The following NRG1 variants were observed in gnomAD, a reference collection of about 807,000 sequenced individuals.
NRG1 encodes pro-neuregulin-1, membrane-bound isoform.
Under a neutral mutation model 63.8 loss-of-function variants are expected in NRG1, and 18 were observed. The ratio of observed to expected loss-of-function variants is 0.28; its 90% confidence interval spans 0.19 to 0.42. The LOEUF is 0.42. NRG1 is among the 10% of genes least tolerant of loss of function. The probability of loss-of-function intolerance (pLI) is 1.00; values close to 1 mark genes in which losing one functional copy is unlikely to be tolerated. For missense variants in NRG1, 762 were observed against 814.7 expected (o/e 0.94, Z 0.79); for synonymous variants, 302 against 301.3 (o/e 1.00, Z -0.02).
At chr8:31,806,396 T>C (rs2131747362) in intron 1 of NRG1, among the ~76,000 whole-genome samples, 1 of 152,292 alleles carries the variant, frequency 6.6e-6, no homozygotes, top group African/African-American at 2.4e-5. Flanking sequence ...TCTAGCTTCA[T>C]TTACAAATTA....
At chr8:32,320,796 T>C (rs543136105) in intron 1 of NRG1, among the ~76,000 whole-genome samples, 1 of 152,166 alleles carries the variant, frequency 6.6e-6, no homozygotes, top group Non-Finnish European at 1.5e-5. Flanking sequence ...TCAAAAGACA[T>C]GTCATCATTA....
At chr8:32,599,919 T>G (rs867945631) in intron 2 of NRG1, among the ~76,000 whole-genome samples, 2 of 152,206 alleles carry the variant, frequency 1.3e-5, no homozygotes, top group African/African-American at 2.4e-5. Context: ...ATTTCCTCTA[T>G]TTTTACTGGT....
At chr8:32,596,599 C>A (rs1180305023) in intron 2 of NRG1, among the ~76,000 whole-genome samples, 130 of 139,148 alleles carry the variant, frequency 9.3e-4, no homozygotes, top group South Asian at 1.2e-3. Context: ...GACTCCATCT[C>A]AAAAAAAAAA....
At chr8:31,972,025 C>T (rs1464390931) in intron 1 of NRG1, among the ~76,000 whole-genome samples, 1 of 152,168 alleles carries the variant, frequency 6.6e-6, no homozygotes, top group East Asian at 1.9e-4. Flanking sequence ...AGTCACACTC[C>T]CCCTTTCTCG....
chr8:31,884,081 T>C lies in NRG1; in HGVS notation c.37+244650T>C, dbSNP rs556208351. 2.6e-5 allele frequency among the ~76,000 whole-genome samples: 4 copies of C among 152,266 alleles called. No homozygotes were observed. The South Asian group carries it at 8.3e-4, about 32-fold the overall frequency. On this transcript the variant is annotated intron_variant, in intron 1 of 10. Transcript: ENST00000519301. Reference sequence around the variant, plus strand: ...GAACATGAACGGGCTCCTATTCCTTTCCTATTGCTGCCCCCAATGAATTTT... The same window carrying C: ...GAACATGAACGGGCTCCTATTCCTTCCCTATTGCTGCCCCCAATGAATTTT...
intron 1 of NRG1, among the ~76,000 whole-genome samples, chr8:31,967,849 G>A (rs74413922): frequency 0.011 from 1,713 of 152,290 alleles, 11 homozygotes; most frequent in Middle Eastern, 0.051. Context: ...AATGCCCATG[G>A]TACTAAAGTA....
At chr8:31,651,861 A>C (rs1286624906) in intron 1 of NRG1, among the ~76,000 whole-genome samples, 2 of 152,096 alleles carry the variant, frequency 1.3e-5, no homozygotes, top group Non-Finnish European at 1.5e-5. Flanking sequence ...GCTGCTTATA[A>C]ATTATGTTTC....
intron 1 of NRG1, among the ~76,000 whole-genome samples, chr8:32,292,787 A>C (rs999409381): frequency 6.6e-6 from 1 of 152,188 alleles, no homozygotes; most frequent in Non-Finnish European, 1.5e-5. Flanking sequence ...AACATTCAGA[A>C]ACAATAAAAT....
intron 1 of NRG1, among the ~76,000 whole-genome samples, chr8:32,217,074 G>T (rs1035286032): frequency 2.0e-5 from 3 of 151,718 alleles, no homozygotes; most frequent in Admixed American, 6.6e-5. Flanking sequence ...TTAGCCGGGC[G>T]TGGTGGCACA....
At chr8:32,672,185 C>T (rs1805854053) in intron 5 of NRG1, among the ~76,000 whole-genome samples, 1 of 152,042 alleles carries the variant, frequency 6.6e-6, no homozygotes, top group Non-Finnish European at 1.5e-5. Flanking sequence ...GCTGGGACTA[C>T]AGGCACGTGC....
intron 1 of NRG1, among the ~76,000 whole-genome samples, chr8:32,351,926 A>T (rs1805658172): frequency 6.6e-6 from 1 of 151,898 alleles, no homozygotes; most frequent in Non-Finnish European, 1.5e-5. Flanking sequence ...ACATTAAGTG[A>T]TGGTCACAGA....
intron 1 of NRG1, among the ~76,000 whole-genome samples, chr8:32,572,725 C>G (rs56804439): frequency 0.018 from 2,797 of 152,148 alleles, 98 homozygotes; most frequent in African/African-American, 0.064. Flanking sequence ...TGAGACATTC[C>G]ATAATTATGT....
At chr8:32,755,496 T>G (rs1829508992) in intron 8 of NRG1, among the ~76,000 whole-genome samples, 1 of 152,170 alleles carries the variant, frequency 6.6e-6, no homozygotes, top group Non-Finnish European at 1.5e-5. Context: ...TAAGCCTTCC[T>G]GGAGTCGACC....
intron 1 of NRG1, among the ~76,000 whole-genome samples, chr8:32,318,889 A>G (rs527375218): frequency 6.6e-6 from 1 of 152,130 alleles, no homozygotes; most frequent in African/African-American, 2.4e-5. Flanking sequence ...CGATTTTGCT[A>G]TTTTGTGTGA....
intron 1 of NRG1, among the ~76,000 whole-genome samples, chr8:31,991,690 C>G (rs1811121094): frequency 6.6e-6 from 1 of 151,962 alleles, no homozygotes; most frequent in African/African-American, 2.4e-5. Context: ...GGGTGTGTAT[C>G]AAGTTTTCTC....
intron 2 of NRG1, among the ~76,000 whole-genome samples, chr8:32,601,920 G>T (rs756201960): frequency 6.6e-6 from 1 of 152,090 alleles, no homozygotes; most frequent in Non-Finnish European, 1.5e-5. Context: ...TTAAAAATGG[G>T]TTAATAATAA....
chr8:32,366,779 T>C (rs1808117519), intron 1 of NRG1, among the ~76,000 whole-genome samples: 1 of 149,284 alleles, frequency 6.7e-6, no homozygotes, highest in Non-Finnish European at 1.5e-5. Context: ...TGGTGCAATC[T>C]CAGCTAACTG....
In NRG1 at chr8:31,807,948, C is replaced by CATGTGT; in HGVS notation, c.37+168517_37+168518insATGTGT. 4.4e-5 allele frequency among the ~76,000 whole-genome samples: 6 copies of CATGTGT among 137,160 alleles called. No individual in the cohort carries two copies. The South Asian group carries it at 1.4e-3, about 31-fold the overall frequency. The allele number at this position is 137,160 out of a possible 152,430, so 90.0% of individuals were successfully genotyped here. ...CTTTTTTAAGGCTCAAGAGTATTCG[C>CATGTGT]GTGTGTGTGTGTGTGTGTGTGTGTG... On this transcript the variant is annotated intron_variant, in intron 1 of 10. Coordinates refer to the NRG1 transcript ENST00000519301.
intron 1 of NRG1, among the ~76,000 whole-genome samples, chr8:32,029,712 C>T (rs1006543488): frequency 6.6e-6 from 1 of 152,160 alleles, no homozygotes; most frequent in South Asian, 2.1e-4. Context: ...ACATCTGATA[C>T]GATTTAACAT....
Sources: gnomAD v4.1 joint callset for allele counts (sites outside exome capture counted in the v4.1 genomes callset) on GRCh38, gnomAD v4.1.1 for gene constraint, MANE v1.5 for transcripts, NCBI Gene and HGNC (gene_info 2026-07-23, HGNC 2026-07-21) for gene names.